Variants in ANKRD17 observed in about 807,000 individuals in gnomAD.
ANKRD17 encodes ankyrin repeat domain-containing protein 17.
ANKRD17 carries 19 observed loss-of-function variants against 229.7 expected under a neutral mutation model. The observed-to-expected ratio is 0.08, with a 90% CI of 0.06 to 0.12. The LOEUF is 0.12. Among genes scored for constraint, ANKRD17 ranks in the 10% least tolerant of loss-of-function variants. The pLI is 1.00. For missense variants in ANKRD17, 2,176 were observed against 3,176.8 expected (o/e 0.68, Z 7.57); for synonymous variants, 1,112 against 1,146.1 (o/e 0.97, Z 0.60).
intron 1 of ANKRD17, among the ~76,000 whole-genome samples, chr4:73,225,895 GA>G (rs995214137): frequency 1.7e-5 from 2 of 116,982 alleles, no homozygotes; most frequent in African/African-American, 6.1e-5. Context: ...AGAAAGAAAA[GA>G]AAAAAGAAAT....
chr4:73,235,950 T>C (rs1477847588), intron 1 of ANKRD17, among the ~76,000 whole-genome samples: 1 of 152,080 alleles, frequency 6.6e-6, no homozygotes, highest in Non-Finnish European at 1.5e-5. Context: ...GCAATCCTCT[T>C]GCCTCAGCCT....
chr4:73,165,336 A>G (rs1231694046), intron 2 of ANKRD17, among the ~76,000 whole-genome samples: 1 of 152,226 alleles, frequency 6.6e-6, no homozygotes, highest in East Asian at 1.9e-4. Context: ...ATTATTCTCT[A>G]AAGAAACCAA....
At chr4:73,238,900 CTTGA>C (rs1743758054) in intron 1 of ANKRD17, among the ~76,000 whole-genome samples, 1 of 151,990 alleles carries the variant, frequency 6.6e-6, no homozygotes, top group South Asian at 2.1e-4. Context: ...TATTCTTTAC[CTTGA>C]TTTTTTCAAC....
At chr4:73,225,580 G>A (rs537569558) in intron 1 of ANKRD17, among the ~76,000 whole-genome samples, 2 of 152,202 alleles carry the variant, frequency 1.3e-5, no homozygotes, top group East Asian at 1.9e-4. Flanking sequence ...TTGGCCAGGC[G>A]CGGTGGCTCA....
rs1047867999 is a variant in ANKRD17, at chr4:73,150,008, C to A, written c.1330-958G>T. On this transcript the variant is annotated intron_variant, in intron 7 of 33. Coordinates refer to ENST00000358602, the MANE Select transcript of ANKRD17 (RefSeq NM_032217.5). ...TAATTTTTTTCCATCTATATGTTATCTCCCAGACATATTCTTTCAAACATG... is the reference window on the plus strand; with the variant it reads ...TAATTTTTTTCCATCTATATGTTATATCCCAGACATATTCTTTCAAACATG... Among the ~76,000 whole-genome samples the A allele has an allele frequency of 2.0e-5, 3 of 152,212 alleles. No individual in the cohort carries two copies. In the South Asian group the frequency reaches 6.2e-4, roughly 32 times the overall value.
chr4:73,171,988 G>A (rs894266923), intron 2 of ANKRD17, among the ~76,000 whole-genome samples: 2 of 152,068 alleles, frequency 1.3e-5, no homozygotes, highest in East Asian at 3.8e-4. Flanking sequence ...GAAAGTGATA[G>A]GGGTAGAAAG....
At chr4:73,223,073 T>G in intron 1 of ANKRD17, 1 of 1,533,170 alleles carries the variant, frequency 6.5e-7, no homozygotes, top group Non-Finnish European at 8.7e-7. Flanking sequence ...GATTAGATCA[T>G]TGCCAGCAGG....
At chr4:73,234,798 G>A (rs977450250) in intron 1 of ANKRD17, among the ~76,000 whole-genome samples, 8 of 152,168 alleles carry the variant, frequency 5.3e-5, no homozygotes, top group African/African-American at 1.4e-4. Flanking sequence ...GCCTAAGAGT[G>A]GGCATCATAG....
intron 1 of ANKRD17, among the ~76,000 whole-genome samples, chr4:73,217,774 TA>T (rs946988892): frequency 3.3e-5 from 5 of 152,054 alleles, no homozygotes; most frequent in African/African-American, 9.6e-5. Context: ...ACGAAACTAC[TA>T]AAAAAAATTG....
intron 30 of ANKRD17, among the ~76,000 whole-genome samples, chr4:73,082,036 G>C (rs976100729): frequency 1.3e-5 from 2 of 151,948 alleles, no homozygotes; most frequent in Non-Finnish European, 2.9e-5. Flanking sequence ...TGTAGTCCCA[G>C]CTACTTGAGA....
chr4:73,109,011 T>C (rs536938069), intron 24 of ANKRD17, among the ~76,000 whole-genome samples: 116 of 152,270 alleles, frequency 7.6e-4, no homozygotes, highest in African/African-American at 2.7e-3. Flanking sequence ...ACCAAAAATT[T>C]ATCTAGGCTG....
At position 73,077,530 on chromosome 4, in the gene ANKRD17, TTGTC is replaced by T. The variant is rs763381687; in HGVS notation, c.7409-1_7411del. On this transcript the variant is annotated splice_acceptor_variant and coding_sequence_variant, in exon 32 of 34. Transcript: ENST00000358602. LOFTEE classifies it high-confidence loss of function. The stretch of plus-strand genomic sequence containing the variant: ...CATCCCAGGGTTACACCAGTCTACT[TTGTC>T]TGAGGGCAAACAAAGAGGCAAAACA... 7.0e-6 allele frequency: 11 copies of T among 1,581,440 alleles called. No individual in the cohort carries two copies. In the East Asian group the frequency reaches 9.1e-5, roughly 13 times the overall value.
chr4:73,133,675 T>G (rs1728536643), intron 16 of ANKRD17, among the ~76,000 whole-genome samples: 1 of 152,038 alleles, frequency 6.6e-6, no homozygotes, highest in Admixed American at 6.6e-5. Flanking sequence ...ATTACAGGCG[T>G]GAGCCACCAC....
At chr4:73,102,263 T>C (rs1403585593) in intron 25 of ANKRD17, 113 bp downstream of exon 25, 2 of 1,130,422 alleles carry the variant, frequency 1.8e-6, no homozygotes, top group Non-Finnish European at 2.4e-6. Flanking sequence ...GTGCCTGGCC[T>C]ATGTTAAGGG....
At chr4:73,243,328 A>G (rs932111783) in intron 1 of ANKRD17, among the ~76,000 whole-genome samples, 1 of 152,216 alleles carries the variant, frequency 6.6e-6, no homozygotes, top group African/African-American at 2.4e-5. Flanking sequence ...GATTCAGGAG[A>G]AAAAGCCAGG....
intron 1 of ANKRD17, among the ~76,000 whole-genome samples, chr4:73,250,600 A>AAAAAAAAAAAAAAAAC: frequency 6.8e-6 from 1 of 146,538 alleles, no homozygotes; most frequent in African/African-American, 2.6e-5. Context: ...AAAAAAAAAA[A>AAAAAAAAAAAAAAAAC]AAAAAAAAAA....
intron 29 of ANKRD17, 84 bp downstream of exon 29, chr4:73,090,583 A>G (rs2110157501): frequency 1.3e-6 from 2 of 1,534,802 alleles, no homozygotes; most frequent in Admixed American, 3.6e-5. Context: ...CGTCCAGAGA[A>G]TAAAAATATT....
At chr4:73,238,075 G>C (rs1247741410) in intron 1 of ANKRD17, among the ~76,000 whole-genome samples, 3 of 149,702 alleles carry the variant, frequency 2.0e-5, no homozygotes, top group Non-Finnish European at 3.0e-5. Flanking sequence ...TTTAAAATAA[G>C]GGATTCTCCT....
intron 1 of ANKRD17, among the ~76,000 whole-genome samples, chr4:73,238,232 T>A (rs774326065): frequency 6.6e-6 from 1 of 152,084 alleles, no homozygotes; most frequent in Non-Finnish European, 1.5e-5. Flanking sequence ...TCACCTAACC[T>A]CCCTCAAAAG....
Sources: gnomAD v4.1 joint callset for allele counts (sites outside exome capture counted in the v4.1 genomes callset) on GRCh38, gnomAD v4.1.1 for gene constraint, MANE v1.5 for transcripts, NCBI Gene and HGNC (gene_info 2026-07-23, HGNC 2026-07-21) for gene names.